The following RBFA variants were observed in gnomAD, a reference collection of about 807,000 sequenced individuals.
The protein encoded by RBFA is putative ribosome-binding factor A, mitochondrial.
A neutral mutation model predicts 27.9 loss-of-function variants in RBFA; 16 were observed. The observed-to-expected ratio is 0.57, with a 90% CI of 0.39 to 0.87. The LOEUF (loss-of-function observed/expected upper bound fraction) is 0.87. Ranked by LOEUF, RBFA falls within the 40% of genes least tolerant of loss-of-function variation. The pLI is 0.00. For missense variants in RBFA, 456 were observed against 432.1 expected (o/e 1.06, Z -0.49); for synonymous variants, 181 against 181.0 (o/e 1.00, Z 0.00).
chr18:80,037,640 A>G, intron 3 of RBFA, 134 bp downstream of exon 3: 1 of 665,734 alleles, frequency 1.5e-6, no homozygotes, highest in Non-Finnish European at 2.4e-6. Flanking sequence ...CTGTAATCCT[A>G]GCACTTTGGG....
At position 80,046,467 on chromosome 18, in the gene RBFA, A is replaced by G. The variant is rs2052055306; in HGVS notation, c.*312A>G. On this transcript the variant is annotated 3_prime_UTR_variant, in exon 7 of 7. Transcript: ENST00000306735. ...TGCAGAGCCCTGCCAGGTGCCAGTG[A>G]GTGCTTGGCCCGAGGGGTCAGGCCA... The G allele has an allele frequency of 1.2e-5, 4 of 343,766 alleles. No homozygotes were observed. The highest frequency in any genetic ancestry group is 2.1e-5 in the African/African-American group (1 of 46,622). The allele number at this position is 343,766 out of a possible 1,614,324, so 21.3% of individuals were successfully genotyped here.
rs745505140 is a variant in RBFA at position 80,034,484 on chromosome 18, C to G, written c.-12C>G. ...TTGTCTCCCTGCTCGCTCCGGGTCC[C>G]GGCGCCGCGCCATGTGGGCTGCGGC... On this transcript the variant is annotated 5_prime_UTR_variant, in exon 1 of 7. Transcript: ENST00000306735. 6.6e-7 allele frequency: 1 copy of G among 1,520,460 alleles called. No individual in the cohort carries two copies. The highest frequency in any genetic ancestry group is 8.7e-7 in the Non-Finnish European group (1 of 1,144,280). The allele number at this position is 1,520,460 out of a possible 1,614,324, so 94.2% of individuals were successfully genotyped here. A position where few individuals can be genotyped will look rare whatever the true frequency, so the allele number is the denominator to read the frequency against.
intron 3 of RBFA, 128 bp from the exon 4 acceptor site, chr18:80,038,377 A>T: frequency 1.5e-6 from 1 of 651,854 alleles, no homozygotes; most frequent in Admixed American, 2.7e-5. Flanking sequence ...GGTGGCCTCC[A>T]GCAGCATGCC....
intron 6 of RBFA, among the ~76,000 whole-genome samples, chr18:80,044,684 G>A (rs879681387): frequency 1.2e-4 from 19 of 152,274 alleles, no homozygotes; most frequent in Non-Finnish European, 2.6e-4. Context: ...GTGTTAGGAG[G>A]GGAGTAGAGG....
At position 80,047,480 on chromosome 18, in the gene RBFA, C is replaced by T. The variant is rs2052064114; in HGVS notation, c.*1325C>T. 1.3e-5 allele frequency: 2 copies of T among 152,438 alleles called. No homozygotes were observed. The highest frequency in any genetic ancestry group is 3.9e-4 in the East Asian group (2 of 5,186). 9.4% of individuals were successfully genotyped at this position (152,438 alleles called of 1,614,324 possible). A position where few individuals can be genotyped will look rare whatever the true frequency, so the allele number is the denominator to read the frequency against. On this transcript the variant is annotated 3_prime_UTR_variant, in exon 7 of 7. Transcript: ENST00000306735. ...ATGCTGACTCCCTTGTTTTTCTTTT[C>T]ATTTGTGCTCTGGGACTAAGCTGTG...
chr18:80,046,207 A>T lies in RBFA; in HGVS notation c.*52A>T. 2 of 1,571,318 alleles carry T rather than the reference A, an allele frequency of 1.3e-6. No individual in the cohort carries two copies. The highest frequency in any genetic ancestry group is 1.7e-6 in the Non-Finnish European group (2 of 1,156,200). ...TTGCAGGGAAAAGCATTGGCACGCA[A>T]CGCAGCATGTGGCTTCATTGAGGCA... is the stretch of plus-strand genomic sequence containing the variant. On this transcript the variant is annotated 3_prime_UTR_variant, in exon 7 of 7. Coordinates refer to ENST00000306735, the MANE Select transcript of RBFA (RefSeq NM_024805.3).
At position 80,040,239 on chromosome 18, in the gene RBFA, A is replaced by ATTTTTTTTTTT. The variant is rs71338083; in HGVS notation, c.491+1631_491+1641dup. Among the ~76,000 whole-genome samples the ATTTTTTTTTTT allele has an allele frequency of 8.2e-4, 75 of 91,386 alleles. 3 individuals carry two copies. Among genetic ancestry groups the ATTTTTTTTTTT allele is most frequent in the African/African-American group, 2.1e-3 (52 of 24,408 alleles). The allele number at this position is 91,386 out of a possible 152,430, so 60.0% of individuals were successfully genotyped here. ...TCCAACACATAACTGGGAGGCCTGA[A>ATTTTTTTTTTT]TTTTTTTTTTTTTTTTTTTGCTTTT... On this transcript the variant is annotated intron_variant, in intron 4 of 6. Transcript: ENST00000306735.
intron 4 of RBFA, chr18:80,041,729 T>G (rs2052017326): frequency 9.2e-6 from 1 of 108,556 alleles, no homozygotes; most frequent in Non-Finnish European, 1.9e-5. Flanking sequence ...TCTTTTTTTT[T>G]TTTTTCTTTT....
chr18:80,046,264 T>A lies in RBFA; in HGVS notation c.*109T>A. 1 of 1,231,196 alleles carries A rather than the reference T, an allele frequency of 8.1e-7. No individual in the cohort carries two copies. The highest frequency in any genetic ancestry group is 1.5e-5 in the African/African-American group (1 of 65,758). 76.3% of individuals were successfully genotyped at this position (1,231,196 alleles called of 1,614,324 possible). On this transcript the variant is annotated 3_prime_UTR_variant, in exon 7 of 7. Coordinates refer to ENST00000306735, the MANE Select transcript of RBFA (RefSeq NM_024805.3). Reference sequence around the variant, plus strand: ...GGAGTTAAACCATCTGCTCTTCTGCTACTTCAACATTTTCTAGCTTTTCCG... The same window carrying A: ...GGAGTTAAACCATCTGCTCTTCTGCAACTTCAACATTTTCTAGCTTTTCCG...
In RBFA at chr18:80,049,003, A is replaced by G. The variant is rs11660460; in HGVS notation, c.*2848A>G. Among the ~76,000 whole-genome samples, 93,049 of 144,494 alleles carry G rather than the reference A, an allele frequency of 0.64. 29,735 individuals are homozygous for G. The highest frequency in any genetic ancestry group is 0.71 in the Non-Finnish European group (46,728 of 66,094). The allele number at this position is 144,494 out of a possible 152,430, so 94.8% of individuals were successfully genotyped here. On this transcript the variant is annotated 3_prime_UTR_variant, in exon 7 of 7. Transcript: ENST00000306735. ...ACGTTTGTAGGGGATCCCACCAGGC[A>G]TCAGCTCAGTGCCTCCTAGAAAGAG...
intron 4 of RBFA, among the ~76,000 whole-genome samples, chr18:80,040,239 A>ATTTTTTTTTTTTT (rs71338083): frequency 1.1e-5 from 1 of 91,416 alleles, no homozygotes; most frequent in African/African-American, 4.1e-5. Flanking sequence ...GGAGGCCTGA[A>ATTTTTTTTTTTTT]TTTTTTTTTT....
Position 80,045,950 on chromosome 18 carries a change from A to G in RBFA, c.827A>G (p.Lys276Arg), listed in dbSNP as rs781187879. ...GTGGCTGAGCTGACAACGCAGATGA[A>G]AAAGGGAAGGAAGAGGGCCAAGCCC... ...GQVAELTTQM[K>R]KGRKRAKPRL... is the part of the protein sequence containing the mutation. The change falls in exon 7 of 7, where the codon AAA (lysine) becomes AGA (arginine). Residue 276 changes from lysine to arginine, a missense_variant. Transcript: ENST00000306735. 1.4e-5 allele frequency: 22 copies of G among 1,613,922 alleles called. No homozygotes were observed. Among genetic ancestry groups the G allele is most frequent in the Non-Finnish European group, 1.7e-5 (20 of 1,179,996 alleles).
intron 6 of RBFA, 69 bp from the exon 7 acceptor site, chr18:80,045,705 T>C (rs2145150233): frequency 6.8e-7 from 1 of 1,469,394 alleles, no homozygotes; most frequent in South Asian, 1.6e-5. Context: ...TGCTGTTGTG[T>C]TGTGGCGACG....
At chr18:80,045,474 C>T (rs2145150040) in intron 6 of RBFA, among the ~76,000 whole-genome samples, 1 of 152,274 alleles carries the variant, frequency 6.6e-6, no homozygotes, top group Non-Finnish European at 1.5e-5. Context: ...ATCCGCCCGC[C>T]TCAGCCTCGC....
rs181036363 is a variant in RBFA at position 80,038,828 on chromosome 18, C to G, written c.491+211C>G. Among the ~76,000 whole-genome samples the G allele has an allele frequency of 1.5e-3, 232 of 152,276 alleles. 3 individuals carry two copies. Among genetic ancestry groups the G allele is most frequent in the Non-Finnish European group, 5.6e-4 (38 of 68,034 alleles). The stretch of plus-strand genomic sequence containing the variant: ...CATTTATTAAAGTGTGCCAGGATCA[C>G]TAGGGATCTGGAGATCCTGTCAGGG... On this transcript the variant is annotated intron_variant, in intron 4 of 6. Coordinates refer to ENST00000306735, the MANE Select transcript of RBFA (RefSeq NM_024805.3).
Position 80,049,972 on chromosome 18 carries a change from T to C in RBFA, c.*3817T>C, listed in dbSNP as rs997468868. On this transcript the variant is annotated 3_prime_UTR_variant, in exon 7 of 7. Coordinates refer to ENST00000306735, the MANE Select transcript of RBFA (RefSeq NM_024805.3). ...CGGGTGACTGCCCTGGGTTGATTTT[T>C]TTCCAGTATTATCTTTAGTACAGAA... Among the ~76,000 whole-genome samples the C allele has an allele frequency of 1.3e-5, 2 of 152,248 alleles. No individual in the cohort carries two copies.
At position 80,048,043 on chromosome 18, in the gene RBFA, C is replaced by T. The variant is rs1201304239; in HGVS notation, c.*1888C>T. ...ATTTATGTACAAGAGACCTCCCCAT[C>T]CTGATGTAGGAAATGAATGGTGATG... On this transcript the variant is annotated 3_prime_UTR_variant, in exon 7 of 7. Coordinates refer to ENST00000306735, the MANE Select transcript of RBFA (RefSeq NM_024805.3). 6.6e-6 allele frequency: 1 copy of T among 152,220 alleles called. No individual in the cohort carries two copies. The highest frequency in any genetic ancestry group is 1.5e-5 in the Non-Finnish European group (1 of 68,042). 9.4% of individuals were successfully genotyped at this position (152,220 alleles called of 1,614,324 possible). A position where few individuals can be genotyped will look rare whatever the true frequency, so the allele number is the denominator to read the frequency against.
rs1379029042 is a variant in RBFA, at chr18:80,050,333, A to C, written c.*4178A>C. Among the ~76,000 whole-genome samples, 1 of 152,180 alleles carries C rather than the reference A, an allele frequency of 6.6e-6. No homozygotes were observed. The highest frequency in any genetic ancestry group is 2.4e-5 in the African/African-American group (1 of 41,428). Reference sequence around the variant, plus strand: ...GGTCATGATCAGTGTTTCCTGATTAAAAATTTTTTATTTTTATTTTTAATT... The same window carrying C: ...GGTCATGATCAGTGTTTCCTGATTACAAATTTTTTATTTTTATTTTTAATT... On this transcript the variant is annotated 3_prime_UTR_variant, in exon 7 of 7. Coordinates refer to ENST00000306735, the MANE Select transcript of RBFA (RefSeq NM_024805.3).
In RBFA at chr18:80,042,235, A is replaced by C. The variant is rs112828744; in HGVS notation, c.576+16A>C. The C allele has an allele frequency of 6.4e-7, 1 of 1,554,420 alleles. No individual in the cohort carries two copies. Among genetic ancestry groups the C allele is most frequent in the East Asian group, 2.3e-5 (1 of 43,678 alleles). The stretch of plus-strand genomic sequence containing the variant: ...TCTAGCTGAGGTAAGGTTTTCAAAA[A>C]AACTTTTTAAAATTTAAAAATTTTT... On this transcript the variant is annotated intron_variant, in intron 5 of 6. Coordinates refer to ENST00000306735, the MANE Select transcript of RBFA (RefSeq NM_024805.3).
Sources: gnomAD v4.1 joint callset for allele counts (sites outside exome capture counted in the v4.1 genomes callset) on GRCh38, gnomAD v4.1.1 for gene constraint, MANE v1.5 for transcripts, NCBI Gene and HGNC (gene_info 2026-07-23, HGNC 2026-07-21) for gene names.